PRDM1: variants seen among roughly 807,000 people sequenced by gnomAD.
PRDM1 encodes the protein PR domain zinc finger protein 1.
PRDM1 carries 13 observed loss-of-function variants against 62.8 expected under a neutral mutation model. The observed-to-expected ratio is 0.21, with a 90% CI of 0.13 to 0.33. The LOEUF (loss-of-function observed/expected upper bound fraction) is 0.33, where lower values mean the gene tolerates loss of function less well. Ranked by LOEUF, PRDM1 falls within the 10% of genes least tolerant of loss-of-function variation. PRDM1 has a pLI of 1.00. For synonymous variants in PRDM1, 396 were observed against 417.6 expected (o/e 0.95, Z 0.63); for missense variants, 895 against 1,058.8 (o/e 0.85, Z 2.15).
chr6:106,042,532 A>AC (rs1463989126), intron 1 of PRDM1, among the ~76,000 whole-genome samples: 16 of 151,698 alleles, frequency 1.1e-4, no homozygotes, highest in African/African-American at 3.6e-4. Flanking sequence ...TGTCTCAAAA[A>AC]AAAAAAACAA....
In PRDM1 at chr6:106,105,405, G is replaced by T; in HGVS notation, c.1245G>T (p.Leu415Phe). Residue 415 changes from leucine to phenylalanine, a missense_variant, in exon 5 of 7, where the codon TTG (leucine) becomes TTT (phenylalanine). By Grantham distance (22) the Leu-to-Phe change is conservative. This residue lies in a region of PRDM1 where 444 missense variants were observed against 422.7 expected (regional missense o/e 1.05). Coordinates refer to ENST00000369096, the MANE Select transcript of PRDM1 (RefSeq NM_001198.4). ...SYNAHYPKFLLPPYGMNCNGL... is the reference protein window; with the variant it reads ...SYNAHYPKFLFPPYGMNCNGL... Reference sequence around the variant, plus strand: ...ACGCTCACTACCCCAAGTTCCTCTTGCCCCCCTACGGCATGAATTGTAATG... The same window carrying T: ...ACGCTCACTACCCCAAGTTCCTCTTTCCCCCCTACGGCATGAATTGTAATG... The T allele has an allele frequency of 3.7e-6, 6 of 1,614,052 alleles. No homozygotes were observed. Among genetic ancestry groups the T allele is most frequent in the Non-Finnish European group, 5.1e-6 (6 of 1,180,020 alleles).
At chr6:106,058,122 T>C (rs1773292460) in intron 1 of PRDM1, among the ~76,000 whole-genome samples, 1 of 152,202 alleles carries the variant, frequency 6.6e-6, no homozygotes, top group Non-Finnish European at 1.5e-5. Flanking sequence ...AACTCTCAAA[T>C]GACTCTTGGG....
intron 1 of PRDM1, among the ~76,000 whole-genome samples, chr6:106,036,563 A>T (rs1772928556): frequency 6.6e-6 from 1 of 152,178 alleles, no homozygotes; most frequent in African/African-American, 2.4e-5. Context: ...TGATGCCACA[A>T]AACTACATCT....
chr6:106,109,835 C>A lies in PRDM1; in HGVS notation c.*2349C>A, dbSNP rs976376830. On this transcript the variant is annotated 3_prime_UTR_variant, in exon 7 of 7. Transcript: ENST00000369096. ...CCAAAGTTACTGGCTTTTTACTTTG[C>A]TAGAACAACAAACTATCTTATGTTT... The A allele has an allele frequency of 5.2e-5, 12 of 232,642 alleles. No homozygotes were observed. Among genetic ancestry groups the A allele is most frequent in the Non-Finnish European group, 1.0e-4 (12 of 117,430 alleles). The allele number at this position is 232,642 out of a possible 1,614,324, so 14.4% of individuals were successfully genotyped here.
chr6:106,020,557 G>A (rs1470886308), intron 1 of PRDM1, among the ~76,000 whole-genome samples: 2 of 152,158 alleles, frequency 1.3e-5, no homozygotes, highest in Non-Finnish European at 1.5e-5. Context: ...CTGAGATTTG[G>A]AGAGATTAAG....
At position 106,107,523 on chromosome 6, in the gene PRDM1, T is replaced by C. The variant is rs1288237844; in HGVS notation, c.*37T>C. ...AACACTTATTTTGTTTCTTAAGTTA[T>C]GACTTGGTGAGTCAGGGTGCCTGTA... On this transcript the variant is annotated 3_prime_UTR_variant, in exon 7 of 7. Coordinates refer to ENST00000369096, the MANE Select transcript of PRDM1 (RefSeq NM_001198.4). The C allele has an allele frequency of 1.9e-6, 3 of 1,538,576 alleles. No individual in the cohort carries two copies. Among genetic ancestry groups the C allele is most frequent in the African/African-American group, 2.8e-5 (2 of 72,354 alleles).
intron 1 of PRDM1, among the ~76,000 whole-genome samples, chr6:106,074,878 G>A (rs1031536591): frequency 6.6e-6 from 1 of 152,204 alleles, no homozygotes; most frequent in African/African-American, 2.4e-5. Flanking sequence ...AGAGGCTGAG[G>A]CATGAGAATC....
chr6:106,024,692 C>G (rs1772742565), intron 1 of PRDM1, among the ~76,000 whole-genome samples: 1 of 152,102 alleles, frequency 6.6e-6, no homozygotes, highest in South Asian at 2.1e-4. Flanking sequence ...CAGGAGAGGA[C>G]AAACAAAGGC....
chr6:106,016,847 T>C (rs548460363), intron 1 of PRDM1, among the ~76,000 whole-genome samples: 2 of 151,714 alleles, frequency 1.3e-5, no homozygotes, highest in African/African-American at 4.8e-5. Flanking sequence ...AGAGACGGGG[T>C]TTCAACACGC....
At chr6:106,095,417 T>A (rs1774086533) in intron 2 of PRDM1, among the ~76,000 whole-genome samples, 198 bp from the exon 3 acceptor site, 1 of 152,362 alleles carries the variant, frequency 6.6e-6, no homozygotes, top group African/African-American at 2.4e-5. Flanking sequence ...TATTTGCTTA[T>A]GATCTCAGAC....
upstream of PRDM1, among the ~76,000 whole-genome samples, chr6:106,083,225 T>G (rs917411131): frequency 4.9e-3 from 2 of 406 alleles, no homozygotes; most frequent in Admixed American, 0.019. Context: ...GGGGTGAGGG[T>G]GGGTGGGTGG....
intron 1 of PRDM1, among the ~76,000 whole-genome samples, chr6:106,078,984 A>C (rs374585676): frequency 5.3e-5 from 8 of 151,926 alleles, no homozygotes; most frequent in African/African-American, 1.9e-4. Context: ...ATTTTCAGAC[A>C]GAGTCTTACT....
upstream of PRDM1, among the ~76,000 whole-genome samples, chr6:106,044,411 C>CT: frequency 6.6e-6 from 1 of 152,182 alleles, no homozygotes; most frequent in Non-Finnish European, 1.5e-5. Flanking sequence ...TCACTTAGTA[C>CT]TTTTTGCCAA....
At position 106,042,178 on chromosome 6, in the gene PRDM1, C is replaced by A. The variant is rs569625899; in HGVS notation, c.-66-46023C>A. 1.1e-4 allele frequency among the ~76,000 whole-genome samples: 17 copies of A among 151,502 alleles called. 1 individual carries two copies. The highest frequency in any genetic ancestry group is 4.1e-4 in the African/African-American group (17 of 41,396). ...ATTTAATCACCAGATATTTCTAATT[C>A]ACATAACTGTTCTCTTATTAGAGTA... On this transcript the variant is annotated intron_variant, in intron 1 of 6. Transcript: ENST00000652320.
At chr6:106,004,465 A>G (rs1772461238) in intron 1 of PRDM1, among the ~76,000 whole-genome samples, 1 of 152,236 alleles carries the variant, frequency 6.6e-6, no homozygotes, top group African/African-American at 2.4e-5. Context: ...AAAGATAAGC[A>G]TAACCTGAGT....
upstream of PRDM1, chr6:106,086,301 G>A (rs1423812345): frequency 7.0e-6 from 3 of 431,314 alleles, no homozygotes; most frequent in Non-Finnish European, 1.2e-5. Context: ...GAGTGGCTAA[G>A]GAAATCTTAA....
intron 1 of PRDM1, among the ~76,000 whole-genome samples, chr6:106,051,659 G>T (rs559460772): frequency 6.6e-6 from 1 of 152,154 alleles, no homozygotes; most frequent in African/African-American, 2.4e-5. Flanking sequence ...AAAAAGAGGG[G>T]CAAAGAGTAG....
chr6:106,047,390 G>C (rs1439075044), upstream of PRDM1, among the ~76,000 whole-genome samples: 1 of 152,232 alleles, frequency 6.6e-6, no homozygotes, highest in Non-Finnish European at 1.5e-5. Flanking sequence ...GTCTTTAACA[G>C]TGGGGTAGGT....
intron 1 of PRDM1, among the ~76,000 whole-genome samples, chr6:106,006,001 T>C (rs1348557757): frequency 3.9e-5 from 6 of 152,216 alleles, no homozygotes; most frequent in Admixed American, 3.9e-4. Context: ...TTTGTGACTC[T>C]AGATGAGGCA....
Sources: allele counts gnomAD v4.1 joint callset (sites outside exome capture counted in the v4.1 genomes callset), GRCh38; gene constraint gnomAD v4.1.1; regional missense constraint gnomAD v4.1.1; transcripts MANE v1.5; gene names NCBI Gene and HGNC (gene_info 2026-07-23, HGNC 2026-07-21).